The following BLVRA variants were observed in gnomAD, a reference collection of about 807,000 sequenced individuals.
BLVRA encodes BVR A.
Under a neutral mutation model 32.8 loss-of-function variants are expected in BLVRA, and 22 were observed. The ratio of observed to expected loss-of-function variants is 0.67; its 90% CI spans 0.48 to 0.96. The LOEUF (loss-of-function observed/expected upper bound fraction) is 0.96. Among genes scored for constraint, BLVRA ranks in the 40% least tolerant of loss-of-function variants. The pLI is 0.00. For synonymous variants in BLVRA, 119 were observed against 141.3 expected (o/e 0.84, Z 1.12); for missense variants, 323 against 358.1 (o/e 0.90, Z 0.79).
intron 2 of BLVRA, among the ~76,000 whole-genome samples, chr7:43,772,506 G>A (rs549493095): frequency 6.6e-6 from 1 of 152,328 alleles, no homozygotes; most frequent in South Asian, 2.1e-4. Context: ...GGCTGGGTGT[G>A]GAAAGAAGAA....
At chr7:43,758,461 A>G (rs1192671168), upstream of BLVRA, among the ~76,000 whole-genome samples, 4 of 122,928 alleles carry the variant, frequency 3.3e-5, no homozygotes, top group African/African-American at 5.2e-5. Flanking sequence ...CTGGGTGCAG[A>G]GAACAGGGCA....
At chr7:43,792,917 C>T (rs1173830380) in intron 5 of BLVRA, 105 bp downstream of exon 5, 1 of 1,129,954 alleles carries the variant, frequency 8.8e-7, no homozygotes, top group Non-Finnish European at 1.3e-6. Context: ...CCTGGCTACA[C>T]TGGCACTGTG....
At chr7:43,797,787 T>G (rs2095794384) in intron 5 of BLVRA, among the ~76,000 whole-genome samples, 1 of 152,208 alleles carries the variant, frequency 6.6e-6, no homozygotes, top group Non-Finnish European at 1.5e-5. Context: ...CCTCCATCTT[T>G]TCTTGACAAT....
At chr7:43,775,605 T>G (rs2095759856) in intron 2 of BLVRA, among the ~76,000 whole-genome samples, 1 of 152,232 alleles carries the variant, frequency 6.6e-6, no homozygotes, top group Non-Finnish European at 1.5e-5. Context: ...AATTCTCTTT[T>G]TTGGTTGTGT....
intron 2 of BLVRA, among the ~76,000 whole-genome samples, chr7:43,784,002 T>C (rs2095773648): frequency 6.6e-6 from 1 of 152,204 alleles, no homozygotes; most frequent in Non-Finnish European, 1.5e-5. Context: ...TTCCTAACTA[T>C]GAACTCCATT....
At chr7:43,771,549 A>T (rs147743995) in intron 2 of BLVRA, among the ~76,000 whole-genome samples, 194 of 152,212 alleles carry the variant, frequency 1.3e-3, no homozygotes, top group African/African-American at 4.5e-3. Flanking sequence ...GGAGATGTCT[A>T]GCTCCTTATC....
At position 43,764,021 on chromosome 7, in the gene BLVRA, G is replaced by C. The variant is rs189314218; in HGVS notation, c.-22+5287G>C. ...TGCAGATAACACGTTGTGAAATCTT[G>C]CTTGTAAAAAATCTCGATCTGCTGA... On this transcript the variant is annotated intron_variant, in intron 1 of 7. Coordinates refer to ENST00000265523, the MANE Select transcript of BLVRA (RefSeq NM_000712.4). 3.9e-5 allele frequency among the ~76,000 whole-genome samples: 6 copies of C among 152,298 alleles called. No homozygotes were observed. The East Asian group carries it at 9.6e-4, about 24-fold the overall frequency.
intron 2 of BLVRA, among the ~76,000 whole-genome samples, chr7:43,775,545 T>G (rs1372835545): frequency 6.6e-6 from 1 of 152,242 alleles, no homozygotes; most frequent in African/African-American, 2.4e-5. Flanking sequence ...GGTTTGCCAG[T>G]ATTTTATTGA....
chr7:43,773,767 T>C (rs2132554588), intron 2 of BLVRA, among the ~76,000 whole-genome samples: 1 of 152,274 alleles, frequency 6.6e-6, no homozygotes, highest in African/African-American at 2.4e-5. Context: ...AGTGTAAAAG[T>C]GTTCTTGTTT....
intron 2 of BLVRA, among the ~76,000 whole-genome samples, chr7:43,772,409 G>A (rs2095755627): frequency 6.6e-6 from 1 of 152,190 alleles, no homozygotes; most frequent in Non-Finnish European, 1.5e-5. Flanking sequence ...ATCAGGTCCT[G>A]GACCATAGTG....
At chr7:43,793,117 A>G (rs1309493631) in intron 5 of BLVRA, among the ~76,000 whole-genome samples, 1 of 152,218 alleles carries the variant, frequency 6.6e-6, no homozygotes, top group Non-Finnish European at 1.5e-5. Context: ...TGTGATACTT[A>G]TATTGCTAAA....
chr7:43,795,225 T>C (rs1177640493), intron 5 of BLVRA, among the ~76,000 whole-genome samples: 1 of 150,378 alleles, frequency 6.6e-6, no homozygotes, highest in Admixed American at 6.6e-5. Flanking sequence ...ATTAAATACA[T>C]ACATAAATAA....
At chr7:43,774,557 A>T (rs952369275) in intron 2 of BLVRA, among the ~76,000 whole-genome samples, 3 of 152,172 alleles carry the variant, frequency 2.0e-5, no homozygotes, top group Admixed American at 6.5e-5. Context: ...TAGTATAGTT[A>T]GAAGTCAGGT....
intron 5 of BLVRA, among the ~76,000 whole-genome samples, chr7:43,794,641 A>G (rs1462393430): frequency 6.6e-6 from 1 of 152,054 alleles, no homozygotes; most frequent in Non-Finnish European, 1.5e-5. Flanking sequence ...AGGCTGAGGC[A>G]GCAGAATTGC....
chr7:43,798,000 TG>T (rs1563550285), intron 5 of BLVRA, among the ~76,000 whole-genome samples: 1 of 151,742 alleles, frequency 6.6e-6, no homozygotes, highest in Non-Finnish European at 1.5e-5. Context: ...AAAACCAGCC[TG>T]GCCTACACTG....
intron 3 of BLVRA, 94 bp downstream of exon 3, chr7:43,788,119 G>C (rs1192979283): frequency 6.3e-7 from 1 of 1,599,482 alleles, no homozygotes; most frequent in East Asian, 2.2e-5. Flanking sequence ...CCCAGGGCAG[G>C]GAGAGCCATC....
intron 7 of BLVRA, among the ~76,000 whole-genome samples, chr7:43,806,725 G>A (rs746194401): frequency 6.6e-6 from 1 of 151,724 alleles, no homozygotes; most frequent in Non-Finnish European, 1.5e-5. Context: ...TCCAGCCTGG[G>A]TGACAGAGCA....
At chr7:43,785,822 A>C (rs2095776750) in intron 2 of BLVRA, among the ~76,000 whole-genome samples, 1 of 152,274 alleles carries the variant, frequency 6.6e-6, no homozygotes, top group Non-Finnish European at 1.5e-5. Context: ...GGAATAGTGC[A>C]TAATATTACT....
intron 1 of BLVRA, chr7:43,767,198 C>T (rs537710662): frequency 9.9e-6 from 6 of 604,492 alleles, no homozygotes; most frequent in Non-Finnish European, 1.8e-5. Flanking sequence ...GTTCTGTAGG[C>T]CACTTTTATA....
Sources: gnomAD v4.1 joint callset for allele counts (sites outside exome capture counted in the v4.1 genomes callset) on GRCh38, gnomAD v4.1.1 for gene constraint, MANE v1.5 for transcripts, NCBI Gene and HGNC (gene_info 2026-07-23, HGNC 2026-07-21) for gene names.